Variants in DRC1 observed in about 807,000 individuals in gnomAD.
DRC1 encodes dynein regulatory complex subunit 1.
Under a neutral mutation model 98.7 loss-of-function variants are expected in DRC1, and 74 were observed. That is an observed-to-expected ratio of 0.75 (90% CI 0.62 to 0.91). The LOEUF is 0.91. DRC1 is among the 40% of genes least tolerant of loss of function. DRC1 has a pLI of 0.00. For missense variants in DRC1, 875 were observed against 886.0 expected (o/e 0.99, Z 0.16); for synonymous variants, 336 against 334.1 (o/e 1.01, Z -0.06).
intron 3 of DRC1, among the ~76,000 whole-genome samples, chr2:26,423,458 G>A (rs1663201894): frequency 6.6e-6 from 1 of 152,254 alleles, no homozygotes; most frequent in East Asian, 1.9e-4. Flanking sequence ...GAGAGTCTCT[G>A]GCAGATATCT....
In DRC1 at chr2:26,454,677, G is replaced by A; in HGVS notation, c.1950G>A (p.Lys650=). ...CGCGGGCCCCGCTGAGGGTACAGAA[G>A]AATGTGCGTGACAACTCCAAGGACT... ...RDSRAPLRVQ[K]NVRDNSKDSE... Residue 650 remains lysine (K), a synonymous_variant, in exon 15 of 17, where the codon AAG becomes AAA. Transcript: ENST00000288710. This position sits in a 1 kb window ranked among gnomAD's most constrained non-coding sequence, Gnocchi z 5.2. 6.2e-7 allele frequency: 1 copy of A among 1,614,148 alleles called. No individual in the cohort carries two copies. The highest frequency in any genetic ancestry group is 8.5e-7 in the Non-Finnish European group (1 of 1,180,028).
At chr2:26,418,602 A>AATATATAAATTATATATAATATAAATT (rs1678910849) in intron 2 of DRC1, among the ~76,000 whole-genome samples, 1 of 91,952 alleles carries the variant, frequency 1.1e-5, no homozygotes, top group African/African-American at 5.4e-5. Flanking sequence ...TAATTTATAT[A>AATATATAAATTATATATAATATAAATT]ATATATAAAT....
At chr2:26,444,686 C>G (rs1258403192) in intron 9 of DRC1, 30 bp from the exon 10 acceptor site, 1 of 1,603,952 alleles carries the variant, frequency 6.2e-7, no homozygotes, top group South Asian at 1.1e-5. Flanking sequence ...CTGGGGCCAG[C>G]TGGCCATGCT....
At chr2:26,433,763 A>G (rs1663497854) in intron 7 of DRC1, among the ~76,000 whole-genome samples, 1 of 152,030 alleles carries the variant, frequency 6.6e-6, no homozygotes, top group African/African-American at 2.4e-5. Flanking sequence ...AGCCTGGGAG[A>G]CCTGGTACCA....
chr2:26,438,723 C>T (rs911278381), intron 7 of DRC1, among the ~76,000 whole-genome samples: 2 of 152,156 alleles, frequency 1.3e-5, no homozygotes, highest in African/African-American at 4.8e-5. Context: ...GGGCCCTCCT[C>T]GAGTATGACC....
intron 8 of DRC1, among the ~76,000 whole-genome samples, chr2:26,441,321 A>G (rs1273828158): frequency 6.6e-6 from 1 of 152,208 alleles, no homozygotes; most frequent in East Asian, 1.9e-4. Flanking sequence ...TTGGTAATAC[A>G]TACATTTTGG....
intron 7 of DRC1, among the ~76,000 whole-genome samples, chr2:26,435,924 T>A (rs115686340): frequency 0.023 from 3,431 of 152,286 alleles, 133 homozygotes; most frequent in African/African-American, 0.077. Context: ...AACATATGCA[T>A]GCATGTGTCT....
At chr2:26,455,002 C>A in intron 15 of DRC1, 129 bp from the exon 16 acceptor site, 1 of 1,357,900 alleles carries the variant, frequency 7.4e-7, no homozygotes, top group Non-Finnish European at 1.0e-6. Flanking sequence ...CACCTGGCGG[C>A]TGGGTGAAGA....
Position 26,444,295 on chromosome 2 carries a change from T to A in DRC1, c.1102T>A (p.Ser368Thr), listed in dbSNP as rs1426133918. The A allele has an allele frequency of 6.2e-7, 1 of 1,614,064 alleles. No homozygotes were observed. ...AAAGCAGTTTCAGGAGGAGAACCAG[T>A]CTCTAACCTCGGACTACAAACGTCT... ...QIKQFQEENQSLTSDYKRLVM... is the reference protein window; with the variant it reads ...QIKQFQEENQTLTSDYKRLVM... The change falls in exon 9 of 17, where the codon TCT becomes ACT. Residue 368 changes from serine to threonine, a missense_variant. Physicochemically the swap from Ser to Thr is moderately conservative, Grantham distance 58. Transcript: ENST00000288710.
At chr2:26,445,299 G>A (rs115444476) in intron 10 of DRC1, among the ~76,000 whole-genome samples, 2 of 152,140 alleles carry the variant, frequency 1.3e-5, no homozygotes, top group African/African-American at 2.4e-5. Context: ...ATTGCAAAAT[G>A]GTGATATGTT....
At chr2:26,441,373 G>A (rs1663713214) in intron 8 of DRC1, among the ~76,000 whole-genome samples, 1 of 152,126 alleles carries the variant, frequency 6.6e-6, no homozygotes, top group African/African-American at 2.4e-5. Flanking sequence ...TGACCTTTTG[G>A]TAGTTACTTA....
At chr2:26,402,251 G>T in intron 1 of DRC1, 107 bp downstream of exon 1, 1 of 1,431,222 alleles carries the variant, frequency 7.0e-7, no homozygotes, top group South Asian at 1.5e-5. Flanking sequence ...GGCAGAGTAT[G>T]GGAAAGTAAA....
At chr2:26,404,192 G>A (rs899070399) in intron 1 of DRC1, among the ~76,000 whole-genome samples, 1 of 152,216 alleles carries the variant, frequency 6.6e-6, no homozygotes, top group African/African-American at 2.4e-5. Flanking sequence ...TAGTTTGCCA[G>A]TGCTGAAGTA....
At chr2:26,438,008 T>A (rs982061609) in intron 7 of DRC1, among the ~76,000 whole-genome samples, 6 of 149,722 alleles carry the variant, frequency 4.0e-5, no homozygotes, top group Non-Finnish European at 7.4e-5. Context: ...AGGAGAATCA[T>A]TTGAACCCGG....
In DRC1 at chr2:26,454,330, A is replaced by G. The variant is rs74872573; in HGVS notation, c.1920-317A>G. Among the ~76,000 whole-genome samples, 2 of 152,258 alleles carry G rather than the reference A, an allele frequency of 1.3e-5. No homozygotes were observed. Among genetic ancestry groups the G allele is most frequent in the Non-Finnish European group, 2.9e-5 (2 of 68,016 alleles). On this transcript the variant is annotated intron_variant, in intron 14 of 16. Coordinates refer to ENST00000288710, the MANE Select transcript of DRC1 (RefSeq NM_145038.5). The surrounding 1 kb of genome is among the most constrained non-coding windows in gnomAD (Gnocchi z 5.2). Reference sequence around the variant, plus strand: ...GAGGGGATGGAGAGGACATGACTGAATTCAAGTGCTGTTTTGGATGTGTTG... The same window carrying G: ...GAGGGGATGGAGAGGACATGACTGAGTTCAAGTGCTGTTTTGGATGTGTTG...
chr2:26,455,066 C>G, intron 15 of DRC1, 65 bp from the exon 16 acceptor site: 1 of 1,569,040 alleles, frequency 6.4e-7, no homozygotes, highest in Non-Finnish European at 8.8e-7. Flanking sequence ...CCACCAAGAC[C>G]CTGGCCCCTA....
chr2:26,409,516 T>C (rs1309106821), intron 1 of DRC1, among the ~76,000 whole-genome samples: 4 of 152,162 alleles, frequency 2.6e-5, no homozygotes, highest in East Asian at 3.8e-4. Context: ...ACATGTAAAA[T>C]TGGTAGTATT....
chr2:26,441,168 A>G (rs879369615), intron 8 of DRC1, among the ~76,000 whole-genome samples: 2 of 152,186 alleles, frequency 1.3e-5, no homozygotes, highest in Admixed American at 6.5e-5. Flanking sequence ...TAAGAATTGC[A>G]TTCTAAGTTT....
At chr2:26,412,755 G>A (rs774721864) in intron 1 of DRC1, among the ~76,000 whole-genome samples, 1 of 152,094 alleles carries the variant, frequency 6.6e-6, no homozygotes, top group Non-Finnish European at 1.5e-5. Flanking sequence ...AAAATGTCCT[G>A]TGCACATATA....
Sources: allele counts gnomAD v4.1 joint callset (sites outside exome capture counted in the v4.1 genomes callset), GRCh38; gene constraint gnomAD v4.1.1; non-coding constraint Gnocchi (gnomAD v3.1); transcripts MANE v1.5; gene names NCBI Gene and HGNC (gene_info 2026-07-23, HGNC 2026-07-21).